SLIT3: variants seen among roughly 807,000 people sequenced by gnomAD.
SLIT3 encodes the protein slit guidance ligand 3.
SLIT3 carries 68 observed loss-of-function variants against 184.0 expected under a neutral mutation model. The observed-to-expected ratio is 0.37, with a 90% CI of 0.30 to 0.45. The LOEUF is 0.45. Ranked by LOEUF, SLIT3 falls within the 20% of genes least tolerant of loss-of-function variation. The pLI, the probability that SLIT3 is intolerant of heterozygous loss-of-function variation, is 1.00. For missense variants in SLIT3, 1,707 were observed against 2,026.0 expected (o/e 0.84, Z 3.02); for synonymous variants, 831 against 828.6 (o/e 1.00, Z -0.05).
At chr5:168,930,023 A>G (rs143887424) in intron 4 of SLIT3, among the ~76,000 whole-genome samples, 15 of 152,322 alleles carry the variant, frequency 9.8e-5, no homozygotes, top group Non-Finnish European at 1.5e-4. Context: ...TTGCAGCATA[A>G]GTCACTCCCA....
intron 4 of SLIT3, among the ~76,000 whole-genome samples, chr5:169,119,655 C>T (rs925061326): frequency 9.9e-5 from 15 of 152,176 alleles, no homozygotes; most frequent in African/African-American, 3.6e-4. Context: ...AGAAAAGACT[C>T]ATGCAGGAGG....
chr5:168,751,901 C>T (rs116088970), intron 18 of SLIT3, among the ~76,000 whole-genome samples: 2,780 of 152,206 alleles, frequency 0.018, 95 homozygotes, highest in African/African-American at 0.064. Context: ...CCACCACGCC[C>T]AGGCAATTTT....
intron 4 of SLIT3, among the ~76,000 whole-genome samples, chr5:169,040,825 T>C (rs757983882): frequency 8.5e-5 from 13 of 152,182 alleles, no homozygotes; most frequent in Non-Finnish European, 1.3e-4. Context: ...ATCCTACCAA[T>C]AGGCATCGGC....
intron 4 of SLIT3, among the ~76,000 whole-genome samples, chr5:169,067,839 T>C (rs936452447): frequency 1.3e-5 from 2 of 152,220 alleles, no homozygotes; most frequent in Non-Finnish European, 2.9e-5. Flanking sequence ...TGCTCTGCTA[T>C]GCACAGCAAA....
intron 6 of SLIT3, among the ~76,000 whole-genome samples, chr5:168,839,407 C>A (rs772290915): frequency 3.3e-5 from 5 of 152,170 alleles, no homozygotes; most frequent in African/African-American, 7.2e-5. Context: ...CTACATGCCC[C>A]GTCCAAGGAG....
rs568225548 is a variant in SLIT3, at chr5:169,001,420, T to C, written c.414-118084A>G. On this transcript the variant is annotated intron_variant, in intron 4 of 35. Transcript: ENST00000519560. The stretch of plus-strand genomic sequence containing the variant: ...GAGTTCGGCTTGAACAATAAAAATA[T>C]TTAGAATAAAAAAACACCAAATAAT... 2.6e-5 allele frequency among the ~76,000 whole-genome samples: 4 copies of C among 152,204 alleles called. No homozygotes were observed. The South Asian group carries it at 8.3e-4, about 32-fold the overall frequency.
intron 2 of SLIT3, among the ~76,000 whole-genome samples, chr5:169,249,184 T>A (rs915389604): frequency 1.3e-5 from 2 of 152,188 alleles, no homozygotes; most frequent in African/African-American, 4.8e-5. Flanking sequence ...TTAGAAAGCA[T>A]TTCAGCTATT....
intron 3 of SLIT3, among the ~76,000 whole-genome samples, chr5:169,241,829 T>G (rs745682): frequency 0.17 from 26,523 of 152,090 alleles, 2,580 homozygotes; most frequent in East Asian, 0.44. Flanking sequence ...AGGCATAGGG[T>G]ACTTTCATGG....
chr5:168,748,376 CA>C lies in SLIT3; in HGVS notation c.2195del (p.Met732ArgfsTer23), dbSNP rs755668546. On this transcript the variant is annotated frameshift_variant, in exon 20 of 36. Coordinates refer to ENST00000519560, the MANE Select transcript of SLIT3 (RefSeq NM_003062.4). LOFTEE classifies it high-confidence loss of function. ...SPRCPEQCTC[M>X]ETVVRCSNKG... is the part of the protein sequence containing the mutation. The stretch of plus-strand genomic sequence containing the variant: ...TGTTGCTGCATCGCACCACTGTCTC[CA>C]TACAGGTGCACTGCTCCGGGCAGCG... The C allele has an allele frequency of 6.6e-7, 1 of 1,516,582 alleles. No homozygotes were observed. Among genetic ancestry groups the C allele is most frequent in the Non-Finnish European group, 8.7e-7 (1 of 1,143,572 alleles). 93.9% of individuals were successfully genotyped at this position (1,516,582 alleles called of 1,614,324 possible).
intron 5 of SLIT3, among the ~76,000 whole-genome samples, chr5:168,857,895 T>C (rs753220105): frequency 2.6e-5 from 4 of 152,196 alleles, no homozygotes; most frequent in Non-Finnish European, 4.4e-5. Flanking sequence ...TAGGAGTTCT[T>C]AGGCGGGACA....
rs892898966 is a variant in SLIT3 at position 169,216,535 on chromosome 5, G to C, written c.342-22985C>G. Among the ~76,000 whole-genome samples, 9 of 152,290 alleles carry C rather than the reference G, an allele frequency of 5.9e-5. 1 individual carries two copies. Among genetic ancestry groups the C allele is most frequent in the Admixed American group, 5.9e-4 (9 of 15,298 alleles). Reference sequence around the variant, plus strand: ...GCAAGTTCAGCAGTCTTCCTATAGAGATTTGGCCAATTACCGAAAACACTT... The same window carrying C: ...GCAAGTTCAGCAGTCTTCCTATAGACATTTGGCCAATTACCGAAAACACTT... On this transcript the variant is annotated intron_variant, in intron 3 of 35. Coordinates refer to ENST00000519560, the MANE Select transcript of SLIT3 (RefSeq NM_003062.4).
intron 4 of SLIT3, among the ~76,000 whole-genome samples, chr5:168,921,956 T>C (rs1761649251): frequency 6.6e-6 from 1 of 152,152 alleles, no homozygotes; most frequent in East Asian, 1.9e-4. Context: ...AAAAGCAATA[T>C]TTATGGAACA....
intron 3 of SLIT3, among the ~76,000 whole-genome samples, chr5:169,226,403 C>T (rs764518928): frequency 2.6e-5 from 4 of 152,134 alleles, no homozygotes; most frequent in Non-Finnish European, 5.9e-5. Context: ...CCCACTACCC[C>T]CCTACTCAGT....
chr5:168,929,592 G>A (rs890062067), intron 4 of SLIT3, among the ~76,000 whole-genome samples: 39 of 152,192 alleles, frequency 2.6e-4, no homozygotes, highest in African/African-American at 8.9e-4. Flanking sequence ...CTGCACAATT[G>A]GAAATGAGAC....
At chr5:169,263,174 A>G (rs987011632) in intron 1 of SLIT3, among the ~76,000 whole-genome samples, 1 of 152,084 alleles carries the variant, frequency 6.6e-6, no homozygotes, top group Non-Finnish European at 1.5e-5. Context: ...GCAAGACCCT[A>G]TTTCTACAAA....
At chr5:168,945,492 T>G (rs1762445421) in intron 4 of SLIT3, among the ~76,000 whole-genome samples, 1 of 152,100 alleles carries the variant, frequency 6.6e-6, no homozygotes, top group Non-Finnish European at 1.5e-5. Context: ...TACCTCAGCC[T>G]CCCAAAGTGC....
In SLIT3 at chr5:168,696,547, A is replaced by T. The variant is rs186978923; in HGVS notation, c.2943-116T>A. 1,315 of 1,259,348 alleles carry T rather than the reference A, an allele frequency of 1.0e-3. 5 individuals are homozygous for T. The African/African-American group carries it at 0.018, about 17-fold the overall frequency. 78.0% of individuals were successfully genotyped at this position (1,259,348 alleles called of 1,614,324 possible). On this transcript the variant is annotated intron_variant, in intron 27 of 35. Coordinates refer to ENST00000519560, the MANE Select transcript of SLIT3 (RefSeq NM_003062.4). The stretch of plus-strand genomic sequence containing the variant: ...TACAATTAGTTTTTCCTCCAGATGG[A>T]GGTCTGAGAAAGCACTTTGGACACA...
At chr5:168,852,678 C>T (rs2113731272) in intron 5 of SLIT3, among the ~76,000 whole-genome samples, 1 of 152,310 alleles carries the variant, frequency 6.6e-6, no homozygotes, top group South Asian at 2.1e-4. Context: ...TGAATTTTTT[C>T]ACATTTCTAG....
chr5:169,253,954 G>A (rs1765862251), intron 1 of SLIT3, among the ~76,000 whole-genome samples: 1 of 152,142 alleles, frequency 6.6e-6, no homozygotes, highest in Admixed American at 6.5e-5. Flanking sequence ...AGTGACACAG[G>A]GGCTACGGAG....
Sources: gnomAD v4.1 joint callset for allele counts (sites outside exome capture counted in the v4.1 genomes callset) on GRCh38, gnomAD v4.1.1 for gene constraint, MANE v1.5 for transcripts, NCBI Gene and HGNC (gene_info 2026-07-23, HGNC 2026-07-21) for gene names.